The following HAUS3 variants were observed in gnomAD, a reference collection of about 807,000 sequenced individuals.
HAUS3 encodes HAUS augmin-like complex subunit 3.
In HAUS3, 36 loss-of-function variants were observed where a neutral mutation model predicts 55.2. The ratio of observed to expected loss-of-function variants is 0.65; its 90% confidence interval spans 0.50 to 0.86. The LOEUF is 0.86. Among genes scored for constraint, HAUS3 ranks in the 40% least tolerant of loss-of-function variants. HAUS3 has a pLI of 0.00. For missense variants in HAUS3, 752 were observed against 671.5 expected, an observed-to-expected ratio of 1.12 and a Z score of -1.33; for synonymous variants, 234 against 238.6, an observed-to-expected ratio of 0.98 and a Z score of 0.18.
At chr4:2,237,617 T>C (rs751762692) in intron 4 of HAUS3, among the ~76,000 whole-genome samples, 1 of 152,146 alleles carries the variant, frequency 6.6e-6, no homozygotes, top group Non-Finnish European at 1.5e-5. Flanking sequence ...ATGTGAAAGC[T>C]AGGGCAAATC....
rs1314545308 is a variant in HAUS3 at position 2,240,642 on chromosome 4, A to G, written c.305T>C (p.Leu102Ser). Residue 102 changes from leucine to serine, a missense_variant, in exon 3 of 6, where the codon TTA (leucine) becomes TCA (serine). Leu to Ser is a moderately radical substitution (Grantham distance 145). Coordinates refer to ENST00000443786, the MANE Select transcript of HAUS3 (RefSeq NM_001303143.2). The part of the protein sequence containing the change: ...PRLDDKELEK[L>S]EDEVQTLLKL... ...CAGTAGAGTTTGAACCTCATCCTCT[A>G]ATTTCTCCAGCTCTTTATCATCCAG... The G allele has an allele frequency of 2.5e-6, 4 of 1,613,700 alleles. No homozygotes were observed. The Admixed American group carries it at 5.0e-5, about 20-fold the overall frequency.
At position 2,242,047 on chromosome 4, in the gene HAUS3, T is replaced by C. The variant is rs1735009935; in HGVS notation, c.-419+4A>G. ...CGCCCAGAACCGAGGCCCGCGTCAG[T>C]CACCTCAGGAAGTTCCGCTTGCTTC... On this transcript the variant is annotated splice_donor_region_variant and intron_variant, in intron 1 of 5. Coordinates refer to ENST00000443786, the MANE Select transcript of HAUS3 (RefSeq NM_001303143.2). 3.0e-6 allele frequency: 3 copies of C among 985,580 alleles called. No individual in the cohort carries two copies. The highest frequency in any genetic ancestry group is 1.1e-4 in the East Asian group (1 of 8,812). 61.1% of individuals were successfully genotyped at this position (985,580 alleles called of 1,614,324 possible).
rs1229984891 is a variant in HAUS3, at chr4:2,231,856, AGT to A, written c.*69_*70del. 2 of 678,036 alleles carry A rather than the reference AGT, an allele frequency of 2.9e-6. No homozygotes were observed. The highest frequency in any genetic ancestry group is 1.9e-5 in the African/African-American group (1 of 52,552). The allele number at this position is 678,036 out of a possible 1,614,324, so 42.0% of individuals were successfully genotyped here. A position where few individuals can be genotyped will look rare whatever the true frequency, so the allele number is the denominator to read the frequency against. On this transcript the variant is annotated 3_prime_UTR_variant, in exon 6 of 6. Transcript: ENST00000443786. Reference sequence around the variant, plus strand: ...TGACCTCAAATTTTAAAAATTTAGTAGTGTTTATTATACACAGTCTTCTAATA... The same window carrying A: ...TGACCTCAAATTTTAAAAATTTAGTAGTTTATTATACACAGTCTTCTAATA...
Position 2,240,266 on chromosome 4 carries a change from A to C in HAUS3, c.681T>G (p.His227Gln), listed in dbSNP as rs761124197. ...CTTCATTTGAACTTTCAACTACTTCATGTATACCCTGAAAGAACTGTTTTT... is the reference window on the plus strand; with the variant it reads ...CTTCATTTGAACTTTCAACTACTTCCTGTATACCCTGAAAGAACTGTTTTT... ...YTKKQFFQGIHEVVESSNEDN... is the reference protein window; with the variant it reads ...YTKKQFFQGIQEVVESSNEDN... The change falls in exon 3 of 6, where the codon CAT becomes CAG. Residue 227 changes from histidine (H) to glutamine (Q), a missense_variant. Transcript: ENST00000443786. 23 of 1,613,700 alleles carry C rather than the reference A, an allele frequency of 1.4e-5. No homozygotes were observed. The highest frequency in any genetic ancestry group is 1.9e-5 in the Non-Finnish European group (22 of 1,179,678).
At position 2,231,319 on chromosome 4, in the gene HAUS3, G is replaced by A. The variant is rs1734570876; in HGVS notation, c.*608C>T. Reference sequence around the variant, plus strand: ...TACACATTTTAAAATATTTAATAGCGGCTGAGCGTGGTGGCTCATGCCTGT... The same window carrying A: ...TACACATTTTAAAATATTTAATAGCAGCTGAGCGTGGTGGCTCATGCCTGT... On this transcript the variant is annotated 3_prime_UTR_variant, in exon 6 of 6. Transcript: ENST00000443786. 6.6e-6 allele frequency: 1 copy of A among 152,224 alleles called. No individual in the cohort carries two copies. The highest frequency in any genetic ancestry group is 1.5e-5 in the Non-Finnish European group (1 of 68,066). The allele number at this position is 152,224 out of a possible 1,614,324, so 9.4% of individuals were successfully genotyped here. A position where few individuals can be genotyped will look rare whatever the true frequency, so the allele number is the denominator to read the frequency against.
chr4:2,238,706 T>C lies in HAUS3; in HGVS notation c.1247A>G (p.Asn416Ser), dbSNP rs776556624. The C allele has an allele frequency of 6.2e-7, 1 of 1,613,422 alleles. No individual in the cohort carries two copies. The highest frequency in any genetic ancestry group is 8.5e-7 in the Non-Finnish European group (1 of 1,179,428). Residue 416 changes from asparagine to serine, a missense_variant, in exon 4 of 6, where the codon AAC becomes AGC. Coordinates refer to ENST00000443786, the MANE Select transcript of HAUS3 (RefSeq NM_001303143.2). ...ENLVQELSQS[N>S]MMLYKQLEML... is the part of the protein sequence containing the mutation. ...TTCTAATTGCTTGTAGAGCATCATG[T>C]TACTTTGACTAAGTTCTTGAACCAA...
chr4:2,231,786 G>C lies in HAUS3; in HGVS notation c.*141C>G, dbSNP rs1156895104. The C allele has an allele frequency of 7.2e-6, 4 of 558,906 alleles. No individual in the cohort carries two copies. In the East Asian group the frequency reaches 1.3e-4, roughly 18 times the overall value. The allele number at this position is 558,906 out of a possible 1,614,324, so 34.6% of individuals were successfully genotyped here. The stretch of plus-strand genomic sequence containing the variant: ...TCTGAATGTACTACATGAGAAAAAA[G>C]ACAAATTAATATAATAGTTCAATTC... On this transcript the variant is annotated 3_prime_UTR_variant, in exon 6 of 6. Transcript: ENST00000443786.
At position 2,236,170 on chromosome 4, in the gene HAUS3, T is replaced by G. The variant is rs1005839956; in HGVS notation, c.1578+58A>C. The G allele has an allele frequency of 4.0e-6, 4 of 1,010,832 alleles. No individual in the cohort carries two copies. In the African/African-American group the frequency reaches 6.5e-5, roughly 16 times the overall value. 62.6% of individuals were successfully genotyped at this position (1,010,832 alleles called of 1,614,324 possible). A position where few individuals can be genotyped will look rare whatever the true frequency, so the allele number is the denominator to read the frequency against. ...CCTCATGTTAACATTTTCTTTAATA[T>G]CTTTTACAACAAGCATTTTTTTAAA... is the stretch of plus-strand genomic sequence containing the variant. On this transcript the variant is annotated intron_variant, in intron 5 of 5. Transcript: ENST00000443786.
intron 4 of HAUS3, among the ~76,000 whole-genome samples, chr4:2,237,178 T>A (rs1016020821): frequency 3.9e-5 from 6 of 152,066 alleles, no homozygotes; most frequent in Non-Finnish European, 7.4e-5. Context: ...AGGCTATGGC[T>A]CATGCCTGTA....
intron 4 of HAUS3, among the ~76,000 whole-genome samples, chr4:2,237,085 C>T (rs945798995): frequency 6.6e-6 from 1 of 151,956 alleles, no homozygotes; most frequent in Non-Finnish European, 1.5e-5. Context: ...CTGCCACTAA[C>T]GTACTTCAAA....
At chr4:2,241,865 G>A in intron 1 of HAUS3, 75 bp from the exon 2 acceptor site, 3 of 985,524 alleles carry the variant, frequency 3.0e-6, no homozygotes, top group Non-Finnish European at 3.6e-6. Context: ...GACAGGCCCC[G>A]CACAGCCCCC....
intron 3 of HAUS3, 28 bp downstream of exon 3, chr4:2,240,010 T>A (rs1271763076): frequency 6.4e-7 from 1 of 1,554,048 alleles, no homozygotes; most frequent in Non-Finnish European, 8.9e-7. Flanking sequence ...AATTACAATG[T>A]GAATCCAATC....
intron 1 of HAUS3, 96 bp downstream of exon 1, chr4:2,241,955 C>T: frequency 4.1e-6 from 4 of 985,446 alleles, no homozygotes; most frequent in Non-Finnish European, 4.8e-6. Flanking sequence ...CCCAGGAGCG[C>T]AGGAAAAAAA....
rs1430070526 is a variant in HAUS3 at position 2,228,974 on chromosome 4, T to C, written c.*2953A>G. 3.4e-6 allele frequency: 3 copies of C among 880,920 alleles called. No individual in the cohort carries two copies. Among genetic ancestry groups the C allele is most frequent in the African/African-American group, 3.5e-5 (2 of 57,516 alleles). 54.6% of individuals were successfully genotyped at this position (880,920 alleles called of 1,614,324 possible). On this transcript the variant is annotated 3_prime_UTR_variant, in exon 6 of 6. Coordinates refer to ENST00000443786, the MANE Select transcript of HAUS3 (RefSeq NM_001303143.2). ...AAGCAGAAGCTCAGTCTGCACTGAATGAGTGTAAAAGGGGCGGGAGCTGGG... is the reference window on the plus strand; with the variant it reads ...AAGCAGAAGCTCAGTCTGCACTGAACGAGTGTAAAAGGGGCGGGAGCTGGG...
chr4:2,233,868 G>A lies in HAUS3; in HGVS notation c.1579-1708C>T, dbSNP rs1373997116. Among the ~76,000 whole-genome samples, 4 of 152,198 alleles carry A rather than the reference G, an allele frequency of 2.6e-5. No homozygotes were observed. The South Asian group carries it at 8.3e-4, about 32-fold the overall frequency. On this transcript the variant is annotated intron_variant, in intron 5 of 5. Coordinates refer to ENST00000443786, the MANE Select transcript of HAUS3 (RefSeq NM_001303143.2). Reference sequence around the variant, plus strand: ...GGTGTCTAGTAGACACTTATATAGTGCTGGTAGCATTATAAACTCCTTTAA... The same window carrying A: ...GGTGTCTAGTAGACACTTATATAGTACTGGTAGCATTATAAACTCCTTTAA...
At chr4:2,234,607 A>T (rs1734692749) in intron 5 of HAUS3, 1 of 152,392 alleles carries the variant, frequency 6.6e-6, no homozygotes, top group Admixed American at 6.5e-5. Flanking sequence ...TCAGGACTTA[A>T]CTAATAACAA....
Position 2,241,501 on chromosome 4 carries a change from A to T in HAUS3, c.-148+19T>A. ...CAAATAAGCATGGCACATCTTCTGA[A>T]GATCAACTAAATATTTACCTCAACG... On this transcript the variant is annotated intron_variant, in intron 2 of 5. Transcript: ENST00000443786. The T allele has an allele frequency of 1.0e-6, 1 of 985,808 alleles. No individual in the cohort carries two copies. Among genetic ancestry groups the T allele is most frequent in the Non-Finnish European group, 1.2e-6 (1 of 830,176 alleles). 61.1% of individuals were successfully genotyped at this position (985,808 alleles called of 1,614,324 possible).
chr4:2,239,580 C>G (rs1397497248), intron 3 of HAUS3, among the ~76,000 whole-genome samples: 1 of 152,190 alleles, frequency 6.6e-6, no homozygotes, highest in African/African-American at 2.4e-5. Flanking sequence ...AGACAGACAT[C>G]TGCAATACAT....
In HAUS3 at chr4:2,236,216, G is replaced by T. The variant is rs1194619937; in HGVS notation, c.1578+12C>A. ...TTAAAAAGCATTTTTAACTACTATG[G>T]CAAATACCCACCTGATCACTAAGCA... On this transcript the variant is annotated intron_variant, in intron 5 of 5. Transcript: ENST00000443786. 1.3e-6 allele frequency: 2 copies of T among 1,523,284 alleles called. No homozygotes were observed. Among genetic ancestry groups the T allele is most frequent in the East Asian group, 2.3e-5 (1 of 44,056 alleles). The allele number at this position is 1,523,284 out of a possible 1,614,324, so 94.4% of individuals were successfully genotyped here.
Sources: allele counts gnomAD v4.1 joint callset (sites outside exome capture counted in the v4.1 genomes callset), GRCh38; gene constraint gnomAD v4.1.1; transcripts MANE v1.5; gene names NCBI Gene and HGNC (gene_info 2026-07-23, HGNC 2026-07-21).